The following GALNTL6 variants were observed in gnomAD, a reference collection of about 807,000 sequenced individuals.
GALNTL6 encodes polypeptide N-acetylgalactosaminyltransferase like 6.
GALNTL6 carries 46 observed loss-of-function variants against 73.7 expected under a neutral mutation model. The observed-to-expected ratio is 0.62, with a 90% CI of 0.49 to 0.80. The LOEUF is 0.80. GALNTL6 is among the 30% of genes least tolerant of loss of function. GALNTL6 has a pLI of 0.00. For synonymous variants in GALNTL6, 259 were observed against 263.7 expected (o/e 0.98, Z 0.17); for missense variants, 604 against 755.0 (o/e 0.80, Z 2.34).
chr4:172,071,849 A>G (rs1481413230), intron 2 of GALNTL6, among the ~76,000 whole-genome samples: 1 of 152,224 alleles, frequency 6.6e-6, no homozygotes, highest in Non-Finnish European at 1.5e-5. Context: ...AACTAAAGGC[A>G]GGCTAACTAG....
intron 8 of GALNTL6, among the ~76,000 whole-genome samples, chr4:172,892,862 C>G (rs1327036935): frequency 6.6e-6 from 1 of 152,088 alleles, no homozygotes; most frequent in Non-Finnish European, 1.5e-5. Flanking sequence ...AGGGGCAGCC[C>G]AAGGCAAGGT....
chr4:172,336,290 T>TTTTTTTTA (rs1741320444), intron 4 of GALNTL6, among the ~76,000 whole-genome samples: 1 of 146,718 alleles, frequency 6.8e-6, no homozygotes, highest in Admixed American at 6.8e-5. Flanking sequence ...TTTTTTTTTT[T>TTTTTTTTA]GACTGAGTCT....
intron 2 of GALNTL6, among the ~76,000 whole-genome samples, chr4:171,936,142 G>C (rs1738338774): frequency 1.3e-5 from 2 of 152,090 alleles, no homozygotes; most frequent in Admixed American, 1.3e-4. Flanking sequence ...AAAGTAACGT[G>C]CATACTAATG....
chr4:173,037,232 T>C (rs1753733183), intron 12 of GALNTL6, among the ~76,000 whole-genome samples: 1 of 152,214 alleles, frequency 6.6e-6, no homozygotes, highest in Non-Finnish European at 1.5e-5. Context: ...GGTCTCTAGT[T>C]TGACACCTCG....
chr4:172,333,041 T>G (rs1428384989), intron 4 of GALNTL6, among the ~76,000 whole-genome samples: 1 of 152,180 alleles, frequency 6.6e-6, no homozygotes, highest in African/African-American at 2.4e-5. Flanking sequence ...GAGTTGCATA[T>G]CTCTGATAAT....
intron 9 of GALNTL6, among the ~76,000 whole-genome samples, chr4:172,946,276 A>G (rs543345123): frequency 6.6e-6 from 1 of 152,334 alleles, no homozygotes; most frequent in South Asian, 2.1e-4. Flanking sequence ...ACAAAGAAAT[A>G]GAAACACTCT....
chr4:171,819,145 A>G (rs1734618137), intron 2 of GALNTL6, among the ~76,000 whole-genome samples: 1 of 152,078 alleles, frequency 6.6e-6, no homozygotes, highest in Non-Finnish European at 1.5e-5. Context: ...AATACACTAG[A>G]TATGAAAGGA....
intron 2 of GALNTL6, among the ~76,000 whole-genome samples, chr4:172,137,000 C>T (rs1385254944): frequency 6.6e-6 from 1 of 151,978 alleles, no homozygotes; most frequent in African/African-American, 2.4e-5. Flanking sequence ...TAACTAACTC[C>T]CATATACCCC....
intron 5 of GALNTL6, among the ~76,000 whole-genome samples, chr4:172,577,306 C>G (rs1361453894): frequency 6.6e-6 from 1 of 152,090 alleles, no homozygotes; most frequent in African/African-American, 2.4e-5. Flanking sequence ...AGTCAGAAAG[C>G]CTAGTGACAA....
chr4:172,953,970 C>A (rs1749587321), intron 10 of GALNTL6, among the ~76,000 whole-genome samples: 1 of 152,174 alleles, frequency 6.6e-6, no homozygotes, highest in Non-Finnish European at 1.5e-5. Context: ...GTTCCTTCTA[C>A]AGTTTTTTTT....
chr4:172,297,756 C>T (rs949246369), intron 3 of GALNTL6, among the ~76,000 whole-genome samples: 5 of 152,040 alleles, frequency 3.3e-5, no homozygotes, highest in Non-Finnish European at 5.9e-5. Flanking sequence ...TTACTGTTGC[C>T]TTGTAGTATA....
rs59906896 is a variant in GALNTL6 at position 172,023,340 on chromosome 4, CT to C, written c.139-206306del. Among the ~76,000 whole-genome samples, 1,021 of 148,578 alleles carry C rather than the reference CT, an allele frequency of 6.9e-3. 3 individuals carry two copies. Among genetic ancestry groups the C allele is most frequent in the African/African-American group, 0.012 (500 of 40,696 alleles). ...AAAATAATGCTTCCAAAATACATAA[CT>C]TTTTTTTTTACCTATAATCACAATT... On this transcript the variant is annotated intron_variant, in intron 2 of 12. Transcript: ENST00000506823.
At chr4:172,570,937 C>T (rs994316471) in intron 5 of GALNTL6, among the ~76,000 whole-genome samples, 2 of 152,070 alleles carry the variant, frequency 1.3e-5, no homozygotes, top group African/African-American at 4.8e-5. Context: ...GAGCAGTTCA[C>T]AGTAGGGTTT....
chr4:172,836,996 A>G (rs1395534797), intron 7 of GALNTL6, among the ~76,000 whole-genome samples: 1 of 152,202 alleles, frequency 6.6e-6, no homozygotes, highest in Non-Finnish European at 1.5e-5. Context: ...CCTTGCGAAA[A>G]AGACTTTTAC....
chr4:172,192,669 C>T (rs1017687822), intron 2 of GALNTL6, among the ~76,000 whole-genome samples: 4 of 152,174 alleles, frequency 2.6e-5, no homozygotes, highest in African/African-American at 7.2e-5. Context: ...ATCTGTGCAA[C>T]TCGCCCATCA....
chr4:172,276,275 G>A lies in GALNTL6; in HGVS notation c.248-35339G>A, dbSNP rs369439756. On this transcript the variant is annotated intron_variant, in intron 3 of 12. Coordinates refer to ENST00000506823, the MANE Select transcript of GALNTL6 (RefSeq NM_001034845.3). ...GGACATGTTTCCTGGAGCCACGGCA[G>A]TCATTCTGTTACCATGAGGTGACCA... Among the ~76,000 whole-genome samples, 10 of 152,262 alleles carry A rather than the reference G, an allele frequency of 6.6e-5. No individual in the cohort carries two copies. In the East Asian group the frequency reaches 1.9e-3, roughly 29 times the overall value.
intron 10 of GALNTL6, among the ~76,000 whole-genome samples, chr4:172,991,275 T>C (rs188657740): frequency 1.3e-5 from 2 of 152,364 alleles, no homozygotes; most frequent in East Asian, 3.9e-4. Context: ...TTTTCTGTAG[T>C]TGATTTAAAA....
intron 2 of GALNTL6, among the ~76,000 whole-genome samples, chr4:171,883,696 G>A (rs992203876): frequency 1.3e-5 from 2 of 150,862 alleles, no homozygotes; most frequent in Non-Finnish European, 3.0e-5. Context: ...CGCCCAGGCT[G>A]GACTGCAGTG....
At chr4:172,404,238 T>C (rs1433741689) in intron 5 of GALNTL6, among the ~76,000 whole-genome samples, 1 of 151,960 alleles carries the variant, frequency 6.6e-6, no homozygotes, top group Non-Finnish European at 1.5e-5. Context: ...CAGGCAACCA[T>C]TCTCCAAAAC....
Sources: gnomAD v4.1 joint callset for allele counts (sites outside exome capture counted in the v4.1 genomes callset) on GRCh38, gnomAD v4.1.1 for gene constraint, MANE v1.5 for transcripts, NCBI Gene and HGNC (gene_info 2026-07-23, HGNC 2026-07-21) for gene names.